Variants in NR1H4 observed in about 807,000 individuals in gnomAD.
NR1H4 encodes nuclear receptor subfamily 1 group H member 4, also known as bile acid receptor.
Under a neutral mutation model 58.5 loss-of-function variants are expected in NR1H4, and 23 were observed. The ratio of observed to expected loss-of-function variants is 0.39; its 90% confidence interval spans 0.28 to 0.56. The LOEUF (loss-of-function observed/expected upper bound fraction) is 0.56. NR1H4 is among the 20% of genes least tolerant of loss of function. The pLI is 0.58. For missense variants in NR1H4, 487 were observed against 576.9 expected (o/e 0.84, Z 1.60); for synonymous variants, 214 against 198.0 (o/e 1.08, Z -0.68).
At chr12:100,547,305 G>A (rs1232398214) in intron 9 of NR1H4, among the ~76,000 whole-genome samples, 2 of 152,100 alleles carry the variant, frequency 1.3e-5, no homozygotes, top group African/African-American at 2.4e-5. Context: ...CAAAGCTGGA[G>A]CCAAGTTCCT....
intron 3 of NR1H4, chr12:100,505,691 A>C (rs970432695): frequency 3.0e-6 from 2 of 656,668 alleles, no homozygotes; most frequent in Non-Finnish European, 5.5e-6. Context: ...TGATAGGCTA[A>C]TTCCAAAATA....
chr12:100,519,526 G>A (rs1249507293), intron 4 of NR1H4, among the ~76,000 whole-genome samples: 1 of 152,156 alleles, frequency 6.6e-6, no homozygotes, highest in African/African-American at 2.4e-5. Flanking sequence ...GGCCCTGGCT[G>A]TCTCCTTCAT....
chr12:100,505,163 A>G (rs945049205), intron 3 of NR1H4, among the ~76,000 whole-genome samples: 2 of 152,180 alleles, frequency 1.3e-5, no homozygotes, highest in Non-Finnish European at 2.9e-5. Flanking sequence ...AACATTTACT[A>G]TGGTCAGCAT....
At position 100,553,551 on chromosome 12, in the gene NR1H4, C is replaced by T. The variant is rs1955255598; in HGVS notation, c.1079-8334C>T. Among the ~76,000 whole-genome samples, 3 of 152,116 alleles carry T rather than the reference C, an allele frequency of 2.0e-5. No individual in the cohort carries two copies. In the South Asian group the frequency reaches 6.2e-4, roughly 32 times the overall value. ...ATGAAGACATAAAAAGTGTATCCCACTTGTTAGGGGAGCTGTCAGAATGCT... is the reference window on the plus strand; with the variant it reads ...ATGAAGACATAAAAAGTGTATCCCATTTGTTAGGGGAGCTGTCAGAATGCT... On this transcript the variant is annotated intron_variant, in intron 9 of 10. Transcript: ENST00000392986.
intron 1 of NR1H4, among the ~76,000 whole-genome samples, chr12:100,485,005 A>G (rs1158448449): frequency 6.6e-6 from 1 of 152,218 alleles, no homozygotes; most frequent in Non-Finnish European, 1.5e-5. Context: ...TCATTGTGAA[A>G]TATTTTCAAC....
chr12:100,526,093 T>G (rs1165899678), intron 4 of NR1H4, among the ~76,000 whole-genome samples: 2 of 152,092 alleles, frequency 1.3e-5, no homozygotes, highest in African/African-American at 4.8e-5. Context: ...ACTCTATTAA[T>G]TTTTATTGAT....
chr12:100,479,390 A>C (rs112885439), intron 1 of NR1H4, among the ~76,000 whole-genome samples: 50 of 152,132 alleles, frequency 3.3e-4, no homozygotes, highest in African/African-American at 1.2e-3. Context: ...AGATGTCTTT[A>C]TTTTTACCCT....
intron 9 of NR1H4, among the ~76,000 whole-genome samples, chr12:100,545,839 G>T (rs947176194): frequency 6.6e-6 from 1 of 151,806 alleles, no homozygotes; most frequent in Non-Finnish European, 1.5e-5. Context: ...GAAGTTAATT[G>T]GGGGAAATGC....
At chr12:100,519,172 A>G (rs899819056) in intron 4 of NR1H4, among the ~76,000 whole-genome samples, 1 of 152,170 alleles carries the variant, frequency 6.6e-6, no homozygotes, top group Admixed American at 6.5e-5. Flanking sequence ...CACAGCCCCT[A>G]TGTGAGAGAA....
intron 1 of NR1H4, among the ~76,000 whole-genome samples, chr12:100,491,124 C>T (rs1486708017): frequency 6.6e-6 from 1 of 152,142 alleles, no homozygotes; most frequent in African/African-American, 2.4e-5. Context: ...GCTTACTCTT[C>T]AGGACCTCCC....
intron 9 of NR1H4, among the ~76,000 whole-genome samples, chr12:100,560,614 T>C (rs766686163): frequency 1.3e-5 from 2 of 152,112 alleles, no homozygotes; most frequent in Non-Finnish European, 2.9e-5. Context: ...ACTCCAGATG[T>C]GCCACCTTAA....
chr12:100,561,401 AAAAAT>A (rs201112879), intron 9 of NR1H4, among the ~76,000 whole-genome samples: 2,194 of 152,204 alleles, frequency 0.014, 48 homozygotes, highest in African/African-American at 0.048. Flanking sequence ...CCATCTCAAA[AAAAAT>A]AAAATAAATA....
At chr12:100,522,727 T>C (rs2136202342) in intron 4 of NR1H4, among the ~76,000 whole-genome samples, 1 of 152,186 alleles carries the variant, frequency 6.6e-6, no homozygotes, top group East Asian at 1.9e-4. Context: ...CCCTTTTGAG[T>C]CTCTGAAGTC....
intron 3 of NR1H4, among the ~76,000 whole-genome samples, chr12:100,499,239 T>C (rs2136118939): frequency 6.6e-6 from 1 of 152,362 alleles, no homozygotes; most frequent in Non-Finnish European, 1.5e-5. Flanking sequence ...TTTTTCCATC[T>C]CACTGAGTTC....
At chr12:100,503,373 G>A in intron 3 of NR1H4, 2 of 1,594,062 alleles carry the variant, frequency 1.3e-6, no homozygotes, top group Non-Finnish European at 1.7e-6. Context: ...TTCAGTGGCT[G>A]TGAATAAGCT....
At chr12:100,483,555 G>A (rs968736720) in intron 1 of NR1H4, among the ~76,000 whole-genome samples, 5 of 152,180 alleles carry the variant, frequency 3.3e-5, no homozygotes, top group South Asian at 2.1e-4. Context: ...CTGGATTTTC[G>A]GAAGTATCTA....
chr12:100,531,650 C>A (rs1195718957), intron 4 of NR1H4, among the ~76,000 whole-genome samples: 1 of 152,170 alleles, frequency 6.6e-6, no homozygotes. Context: ...TTCAACACTG[C>A]CTCCTTGACT....
At chr12:100,530,380 A>G (rs535015570) in intron 4 of NR1H4, among the ~76,000 whole-genome samples, 29 of 152,324 alleles carry the variant, frequency 1.9e-4, no homozygotes, top group Admixed American at 1.4e-3. Flanking sequence ...TAAGAATTAC[A>G]TCAGTAAATG....
chr12:100,503,456 A>G (rs1200672972), intron 3 of NR1H4: 1 of 1,597,692 alleles, frequency 6.3e-7, no homozygotes, highest in African/African-American at 1.3e-5. Context: ...GTACGCCGTC[A>G]GGATTTTTCA....
Sources: gnomAD v4.1 joint callset for allele counts (sites outside exome capture counted in the v4.1 genomes callset) on GRCh38, gnomAD v4.1.1 for gene constraint, MANE v1.5 for transcripts, NCBI Gene and HGNC (gene_info 2026-07-23, HGNC 2026-07-21) for gene names.